The following DENND1A variants were observed in gnomAD, a reference collection of about 807,000 sequenced individuals.
DENND1A encodes the protein DENN domain-containing protein 1A.
Under a neutral mutation model 113.7 loss-of-function variants are expected in DENND1A, and 51 were observed. That is an observed-to-expected ratio of 0.45 (90% CI 0.36 to 0.57). DENND1A has a LOEUF of 0.57. Among genes scored for constraint, DENND1A ranks in the 20% least tolerant of loss-of-function variants. DENND1A has a pLI of 0.00. For missense variants in DENND1A, 1,258 were observed against 1,395.9 expected (o/e 0.90, Z 1.57); for synonymous variants, 565 against 570.8 (o/e 0.99, Z 0.14).
chr9:123,924,839 C>T (rs147255308), intron 1 of DENND1A, among the ~76,000 whole-genome samples: 4 of 152,292 alleles, frequency 2.6e-5, no homozygotes, highest in Non-Finnish European at 4.4e-5. Flanking sequence ...AACCCACTGG[C>T]CTTCTGTCCG....
At chr9:123,786,432 G>A (rs1832186780) in intron 3 of DENND1A, among the ~76,000 whole-genome samples, 1 of 152,094 alleles carries the variant, frequency 6.6e-6, no homozygotes, top group Non-Finnish European at 1.5e-5. Context: ...CAAGTGTTGT[G>A]GCCATGCCAT....
At chr9:123,706,379 T>C (rs995523557) in intron 5 of DENND1A, among the ~76,000 whole-genome samples, 1 of 151,964 alleles carries the variant, frequency 6.6e-6, no homozygotes, top group African/African-American at 2.4e-5. Flanking sequence ...CTCAAATTCC[T>C]GACCTCATGA....
chr9:123,497,634 C>T (rs1462111065), intron 13 of DENND1A, among the ~76,000 whole-genome samples: 1 of 152,094 alleles, frequency 6.6e-6, no homozygotes, highest in Non-Finnish European at 1.5e-5. Flanking sequence ...ATTTCTAAGA[C>T]TGTTGATATA....
intron 5 of DENND1A, among the ~76,000 whole-genome samples, chr9:123,748,770 A>C (rs1478376728): frequency 6.6e-6 from 1 of 152,168 alleles, no homozygotes; most frequent in Non-Finnish European, 1.5e-5. Context: ...AGGTCCAAGA[A>C]AAATTGTTGA....
chr9:123,574,173 C>CTTTTTTTTTT (rs542615815), intron 12 of DENND1A, among the ~76,000 whole-genome samples: 1 of 110,124 alleles, frequency 9.1e-6, no homozygotes, highest in Non-Finnish European at 1.9e-5. Context: ...CTGTAGTTGC[C>CTTTTTTTTTT]TTTTTTTTTT....
In DENND1A at chr9:123,829,167, G is replaced by A. The variant is rs567548884; in HGVS notation, c.89-36537C>T. Among the ~76,000 whole-genome samples, 11 of 152,268 alleles carry A rather than the reference G, an allele frequency of 7.2e-5. No individual in the cohort carries two copies. The South Asian group carries it at 2.3e-3, about 32-fold the overall frequency. Reference sequence around the variant, plus strand: ...AAATGAGCAATAAATGAGTGTTAATGTAAGATCCTATAGGAAGTTATGATT... The same window carrying A: ...AAATGAGCAATAAATGAGTGTTAATATAAGATCCTATAGGAAGTTATGATT... On this transcript the variant is annotated intron_variant, in intron 2 of 23. Transcript: ENST00000394215.
intron 4 of DENND1A, among the ~76,000 whole-genome samples, chr9:123,768,916 G>A (rs907468177): frequency 6.7e-6 from 1 of 149,936 alleles, no homozygotes; most frequent in African/African-American, 2.4e-5. Flanking sequence ...ACCTATCTAA[G>A]AAACAGTTTA....
At chr9:123,606,609 G>A (rs766617812) in intron 11 of DENND1A, among the ~76,000 whole-genome samples, 17 of 152,236 alleles carry the variant, frequency 1.1e-4, no homozygotes, top group Non-Finnish European at 2.4e-4. Context: ...GCACCTGTAA[G>A]TAAAATTATG....
intron 11 of DENND1A, among the ~76,000 whole-genome samples, chr9:123,593,543 T>C: frequency 6.6e-6 from 1 of 152,140 alleles, no homozygotes; most frequent in East Asian, 1.9e-4. Flanking sequence ...ATGCTTTGCA[T>C]TTGTTCAAAC....
At position 123,381,442 on chromosome 9, in the gene DENND1A, G is replaced by A; in HGVS notation, c.3203C>T (p.Thr1068Ile). 6.2e-7 allele frequency: 1 copy of A among 1,613,188 alleles called. No homozygotes were observed. The highest frequency in any genetic ancestry group is 8.5e-7 in the Non-Finnish European group (1 of 1,179,952). Residue 1068 changes from threonine to isoleucine, a missense_variant, in exon 24 of 24, where the codon ACC becomes ATC. This residue lies in a region of DENND1A where 1,159 missense variants were observed against 1,231.7 expected (regional missense o/e 0.94). Coordinates refer to ENST00000394215, the MANE Select transcript of DENND1A (RefSeq NM_001352964.2). This position sits in a 1 kb window ranked among gnomAD's most constrained non-coding sequence, Gnocchi z 4.7. ...CCCTCAGGGCCCGGCTCACTCGAAG[G>A]TCTCCCACTGCTTCCTGAGCTGCTC... ...SVEQLRKQWE[T>I]FE
intron 2 of DENND1A, among the ~76,000 whole-genome samples, chr9:123,856,710 T>C (rs1203047321): frequency 6.6e-6 from 1 of 151,876 alleles, no homozygotes; most frequent in Non-Finnish European, 1.5e-5. Context: ...GCAGGGCTTG[T>C]CAAAGACCAA....
chr9:123,578,020 C>T (rs1484223855), intron 12 of DENND1A, among the ~76,000 whole-genome samples: 2 of 152,184 alleles, frequency 1.3e-5, no homozygotes, highest in African/African-American at 4.8e-5. Context: ...GAGAACTGTT[C>T]ATCTTATAGT....
intron 2 of DENND1A, among the ~76,000 whole-genome samples, chr9:123,795,598 G>A (rs566290225): frequency 1.1e-4 from 16 of 152,194 alleles, no homozygotes; most frequent in Admixed American, 7.8e-4. Context: ...ATTTCATTGC[G>A]TCAGCTGCAT....
intron 13 of DENND1A, among the ~76,000 whole-genome samples, chr9:123,555,485 T>C (rs1341313180): frequency 6.6e-6 from 1 of 152,174 alleles, no homozygotes; most frequent in Non-Finnish European, 1.5e-5. Context: ...AGCCTTTGCT[T>C]CCTCAGTTAC....
At chr9:123,761,992 T>C (rs2071082326) in intron 4 of DENND1A, among the ~76,000 whole-genome samples, 1 of 152,216 alleles carries the variant, frequency 6.6e-6, no homozygotes, top group Admixed American at 6.5e-5. Flanking sequence ...CCAATTCTCA[T>C]GTTTCACAGA....
chr9:123,544,260 C>G (rs2056495796), intron 13 of DENND1A, among the ~76,000 whole-genome samples: 1 of 152,154 alleles, frequency 6.6e-6, no homozygotes, highest in Non-Finnish European at 1.5e-5. Flanking sequence ...CCAATTATCA[C>G]TACAAATATC....
intron 13 of DENND1A, among the ~76,000 whole-genome samples, chr9:123,469,435 A>G (rs944788314): frequency 1.3e-5 from 2 of 152,238 alleles, no homozygotes; most frequent in Non-Finnish European, 2.9e-5. Flanking sequence ...CGCGCTTGCT[A>G]GATTACAGTA....
intron 19 of DENND1A, chr9:123,414,290 A>G: frequency 7.3e-7 from 1 of 1,369,460 alleles, no homozygotes; most frequent in Non-Finnish European, 9.4e-7. Flanking sequence ...TTCTTTGCAC[A>G]GTGCCACCAA....
intron 1 of DENND1A, among the ~76,000 whole-genome samples, chr9:123,913,316 C>T (rs963685230): frequency 6.6e-6 from 1 of 151,978 alleles, no homozygotes; most frequent in Non-Finnish European, 1.5e-5. Context: ...TGAATATGTA[C>T]TCCAGCGAAC....
Sources: allele counts gnomAD v4.1 joint callset (sites outside exome capture counted in the v4.1 genomes callset), GRCh38; gene constraint gnomAD v4.1.1; regional missense constraint gnomAD v4.1.1; non-coding constraint Gnocchi (gnomAD v3.1); transcripts MANE v1.5; gene names NCBI Gene and HGNC (gene_info 2026-07-23, HGNC 2026-07-21).